The following STARD13 variants were observed in gnomAD, a reference collection of about 807,000 sequenced individuals.
STARD13 encodes StAR related lipid transfer domain containing 13, also known as stAR-related lipid transfer protein 13.
A neutral mutation model predicts 106.4 loss-of-function variants in STARD13; 62 were observed. The observed-to-expected ratio is 0.58, with a 90% CI of 0.48 to 0.72. The LOEUF is 0.72. Among genes scored for constraint, STARD13 ranks in the 30% least tolerant of loss-of-function variants. The pLI, the probability that STARD13 is intolerant of heterozygous loss-of-function variation, is 0.00. For synonymous variants in STARD13, 565 were observed against 553.0 expected, an observed-to-expected ratio of 1.02 and a Z score of -0.31; for missense variants, 1,387 against 1,424.0, an observed-to-expected ratio of 0.97 and a Z score of 0.42.
chr13:33,296,607 C>T (rs1002525440), intron 1 of STARD13, among the ~76,000 whole-genome samples: 1 of 152,152 alleles, frequency 6.6e-6, no homozygotes, highest in Admixed American at 6.5e-5. Flanking sequence ...CCATTCTACT[C>T]TCTGCTTCTG....
intron 1 of STARD13, among the ~76,000 whole-genome samples, chr13:33,264,684 A>C (rs1890808668): frequency 6.6e-6 from 1 of 152,188 alleles, no homozygotes; most frequent in Non-Finnish European, 1.5e-5. Context: ...GGCTCCTTTG[A>C]GAAGCCTGGA....
At chr13:33,655,912 G>A in the STARD13 span, among the ~76,000 whole-genome samples, 76 of 152,190 alleles carry the variant, frequency 5.0e-4, no homozygotes, top group African/African-American at 1.8e-3. Flanking sequence ...GAACATGCTT[G>A]AAAATGGGAA....
chr13:33,393,240 G>A, the STARD13 span, among the ~76,000 whole-genome samples: 1 of 152,328 alleles, frequency 6.6e-6, no homozygotes, highest in South Asian at 2.1e-4. Flanking sequence ...AAATAGCTGA[G>A]TGTGGCTGGA....
chr13:33,508,408 A>G, the STARD13 span, among the ~76,000 whole-genome samples: 2 of 152,332 alleles, frequency 1.3e-5, no homozygotes, highest in East Asian at 3.9e-4. Flanking sequence ...TAGTAGGGAC[A>G]AGTGGAAAAA....
At chr13:33,422,871 C>T in the STARD13 span, among the ~76,000 whole-genome samples, 1 of 152,152 alleles carries the variant, frequency 6.6e-6, no homozygotes, top group African/African-American at 2.4e-5. Flanking sequence ...ATAAATGGTG[C>T]TGGGAAAACT....
chr13:33,215,500 T>C (rs1419478849), intron 1 of STARD13, among the ~76,000 whole-genome samples: 1 of 152,228 alleles, frequency 6.6e-6, no homozygotes, highest in Non-Finnish European at 1.5e-5. Flanking sequence ...CTCTGTTCTT[T>C]TGATTATGAT....
the STARD13 span, among the ~76,000 whole-genome samples, chr13:33,380,953 C>CT: frequency 4.6e-5 from 7 of 152,156 alleles, no homozygotes; most frequent in Admixed American, 1.3e-4. Flanking sequence ...AGTGAATGGT[C>CT]TTACAGGCCT....
intron 7 of STARD13, among the ~76,000 whole-genome samples, chr13:33,123,345 G>C (rs562426002): frequency 6.6e-6 from 1 of 152,044 alleles, no homozygotes; most frequent in Non-Finnish European, 1.5e-5. Context: ...AATCTTTTTC[G>C]GGACTTAATG....
At chr13:33,313,355 A>G (rs4325420) in intron 1 of STARD13, among the ~76,000 whole-genome samples, 142,808 of 152,230 alleles carry the variant, frequency 0.94, 67,655 homozygotes, top group East Asian at 1. Context: ...CAATCCCATT[A>G]AATATTTCCA....
the STARD13 span, among the ~76,000 whole-genome samples, chr13:33,454,242 A>G: frequency 2.0e-5 from 3 of 152,108 alleles, no homozygotes; most frequent in African/African-American, 4.8e-5. Flanking sequence ...GACACTTCCT[A>G]TAGGTGGGTT....
In STARD13 at chr13:33,226,597, G is replaced by A. The variant is rs184471316; in HGVS notation, c.169+58873C>T. ...TTATAGTCATGCATCACCACACCTC[G>A]CTAATTTTTTTATTTTTAGTAGAGA... On this transcript the variant is annotated intron_variant, in intron 1 of 13. Transcript: ENST00000336934. 1.2e-3 allele frequency among the ~76,000 whole-genome samples: 189 copies of A among 151,974 alleles called. 1 individual carries two copies. The highest frequency in any genetic ancestry group is 4.0e-3 in the African/African-American group (165 of 41,412).
chr13:33,173,938 C>T (rs957123770), intron 1 of STARD13, among the ~76,000 whole-genome samples: 13 of 152,172 alleles, frequency 8.5e-5, no homozygotes, highest in Admixed American at 3.3e-4. Flanking sequence ...CTTTCCCAAA[C>T]GCAAGAATGA....
intron 1 of STARD13, among the ~76,000 whole-genome samples, chr13:33,187,462 A>G (rs1016743053): frequency 6.6e-6 from 1 of 152,220 alleles, no homozygotes; most frequent in Non-Finnish European, 1.5e-5. Flanking sequence ...TCTTACATTT[A>G]TGAAAAGTCT....
chr13:33,657,965 T>C, the STARD13 span, among the ~76,000 whole-genome samples: 1 of 152,242 alleles, frequency 6.6e-6, no homozygotes, highest in African/African-American at 2.4e-5. Context: ...TACAGTTTAG[T>C]GGCATTAAAT....
chr13:33,159,801 T>C (rs1014119812), intron 3 of STARD13, among the ~76,000 whole-genome samples: 2 of 152,202 alleles, frequency 1.3e-5, no homozygotes, highest in African/African-American at 4.8e-5. Context: ...ACCACTCATA[T>C]GCTTAAAACT....
At chr13:33,504,742 A>G in the STARD13 span, among the ~76,000 whole-genome samples, 1 of 152,130 alleles carries the variant, frequency 6.6e-6, no homozygotes, top group East Asian at 1.9e-4. Context: ...GTACCCTAGA[A>G]CTTAAAGTAT....
At chr13:33,626,454 T>A in the STARD13 span, among the ~76,000 whole-genome samples, 2 of 152,200 alleles carry the variant, frequency 1.3e-5, no homozygotes, top group African/African-American at 2.4e-5. Flanking sequence ...AAATTGTTGG[T>A]GAAATCTTCA....
At position 33,160,479 on chromosome 13, in the gene STARD13, C is replaced by T. The variant is rs545315390; in HGVS notation, c.323+4858G>A. 3.3e-5 allele frequency among the ~76,000 whole-genome samples: 5 copies of T among 152,202 alleles called. No homozygotes were observed. In the East Asian group the frequency reaches 9.6e-4, roughly 29 times the overall value. ...TTAAAAACTTTTGTTCTGTGAAAGA[C>T]ACTGTTAAGAGACTGAAAATGCAAG... On this transcript the variant is annotated intron_variant, in intron 3 of 13. Transcript: ENST00000336934.
At chr13:33,219,933 C>T (rs1164290026) in intron 1 of STARD13, among the ~76,000 whole-genome samples, 1 of 152,128 alleles carries the variant, frequency 6.6e-6, no homozygotes, top group African/African-American at 2.4e-5. Context: ...CATGATATAC[C>T]CACAGCACCT....
Sources: allele counts gnomAD v4.1 joint callset (sites outside exome capture counted in the v4.1 genomes callset), GRCh38; gene constraint gnomAD v4.1.1; transcripts MANE v1.5; gene names NCBI Gene and HGNC (gene_info 2026-07-23, HGNC 2026-07-21).